Variants in EML5 observed in about 807,000 individuals in gnomAD.
The protein encoded by EML5 is echinoderm microtubule-associated protein-like 5.
A neutral mutation model predicts 250.0 loss-of-function variants in EML5; 120 were observed. The ratio of observed to expected loss-of-function variants is 0.48; its 90% CI spans 0.41 to 0.56. EML5 has a LOEUF of 0.56. EML5 is among the 20% of genes least tolerant of loss of function. The probability of loss-of-function intolerance (pLI) is 0.00; values close to 1 mark genes in which losing one functional copy is unlikely to be tolerated. For missense variants in EML5, 2,006 were observed against 2,437.6 expected (o/e 0.82, Z 3.73); for synonymous variants, 771 against 806.5 (o/e 0.96, Z 0.75).
chr14:88,687,461 C>A, intron 18 of EML5, 134 bp from the exon 19 acceptor site: 1 of 616,412 alleles, frequency 1.6e-6, no homozygotes. Context: ...CAGGAATTAG[C>A]TTAAGAATCC....
At chr14:88,789,915 C>G (rs1245555688) in intron 1 of EML5, among the ~76,000 whole-genome samples, 1 of 152,186 alleles carries the variant, frequency 6.6e-6, no homozygotes, top group African/African-American at 2.4e-5. Flanking sequence ...GGAAACAAAA[C>G]AGATGATGAA....
Position 88,620,659 on chromosome 14 carries a change from G to T in EML5, c.5375+95C>A. 2 of 1,023,344 alleles carry T rather than the reference G, an allele frequency of 2.0e-6. No individual in the cohort carries two copies. Among genetic ancestry groups the T allele is most frequent in the South Asian group, 2.4e-5 (1 of 42,492 alleles). The allele number at this position is 1,023,344 out of a possible 1,614,324, so 63.4% of individuals were successfully genotyped here. On this transcript the variant is annotated intron_variant, in intron 39 of 43. Coordinates refer to ENST00000554922, the MANE Select transcript of EML5 (RefSeq NM_183387.3). The surrounding 1 kb of genome is among the most constrained non-coding windows in gnomAD (Gnocchi z 4.3). ...TAATACGGGAAATGCTACAGGCCCT[G>T]GGGACCTCTTTTTGAAGGCAAGGCT...
rs749470122 is a variant in EML5, at chr14:88,625,108, CCT to C, written c.4758_4759del (p.Gly1587TyrfsTer5). 6.2e-7 allele frequency: 1 copy of C among 1,613,628 alleles called. No individual in the cohort carries two copies. Among genetic ancestry groups the C allele is most frequent in the Non-Finnish European group, 8.5e-7 (1 of 1,179,796 alleles). On this transcript the variant is annotated frameshift_variant, in exon 36 of 44. Transcript: ENST00000554922. LOFTEE classifies it high-confidence loss of function. ...CACACAGACATCACCACTGATGGTA[CCT>C]GTAAACGTCAAGTTATTCTGAAAAG... is the stretch of plus-strand genomic sequence containing the variant.
intron 13 of EML5, 109 bp from the exon 14 acceptor site, chr14:88,702,741 G>T: frequency 1.3e-6 from 1 of 777,412 alleles, no homozygotes; most frequent in Non-Finnish European, 1.9e-6. Context: ...TCAATTTCCA[G>T]TTTTACAGGA....
At chr14:88,770,796 G>A (rs920717404) in intron 1 of EML5, among the ~76,000 whole-genome samples, 4 of 152,152 alleles carry the variant, frequency 2.6e-5, no homozygotes, top group African/African-American at 9.7e-5. Context: ...ACAAATGACA[G>A]ATGTAATCAT....
chr14:88,745,167 TTG>T (rs1555370057), intron 3 of EML5, among the ~76,000 whole-genome samples: 3,336 of 145,124 alleles, frequency 0.023, 70 homozygotes, highest in South Asian at 0.1. Flanking sequence ...AATTGTGTGT[TTG>T]TGTGTGTGTG....
In EML5 at chr14:88,754,576, A is replaced by T. The variant is rs746509622; in HGVS notation, c.293T>A (p.Ile98Lys). ...TGTATGAACATCCTTTAAAACTGATATGGTCTGCACAGTGTATGAATCCCA... is the reference window on the plus strand; with the variant it reads ...TGTATGAACATCCTTTAAAACTGATTTGGTCTGCACAGTGTATGAATCCCA... ...CIWDSYTVQTISVLKDVHTHG... is the reference protein window; with the variant it reads ...CIWDSYTVQTKSVLKDVHTHG... The change falls in exon 2 of 44, where the codon ATA becomes AAA. Residue 98 changes from isoleucine to lysine, a missense_variant. By Grantham distance (102) the Ile-to-Lys change is moderately radical. Transcript: ENST00000554922. The T allele has an allele frequency of 1.2e-6, 2 of 1,613,528 alleles. No homozygotes were observed. The highest frequency in any genetic ancestry group is 1.1e-5 in the South Asian group (1 of 90,952).
intron 20 of EML5, among the ~76,000 whole-genome samples, chr14:88,683,947 G>C (rs2092770555): frequency 1.3e-5 from 2 of 152,074 alleles, no homozygotes; most frequent in African/African-American, 4.8e-5. Context: ...ATGTACTGGA[G>C]GTTCTAGTCA....
chr14:88,662,088 G>A (rs878985978), intron 24 of EML5, among the ~76,000 whole-genome samples: 3 of 152,122 alleles, frequency 2.0e-5, no homozygotes, highest in Admixed American at 6.5e-5. Context: ...AGCATACAGT[G>A]TTAATAATAA....
intron 27 of EML5, among the ~76,000 whole-genome samples, chr14:88,654,823 C>T (rs542697621): frequency 4.8e-4 from 73 of 152,190 alleles, no homozygotes; most frequent in African/African-American, 1.7e-3. Context: ...AGTTCAACTC[C>T]TGATTATCCT....
intron 19 of EML5, among the ~76,000 whole-genome samples, chr14:88,686,349 A>G (rs1366919429): frequency 6.6e-6 from 1 of 152,058 alleles, no homozygotes; most frequent in Non-Finnish European, 1.5e-5. Flanking sequence ...ACATGTATAC[A>G]TATGTAACAA....
chr14:88,754,695 G>A, intron 1 of EML5, 24 bp from the exon 2 acceptor site: 9 of 1,561,406 alleles, frequency 5.8e-6, no homozygotes, highest in Non-Finnish European at 7.8e-6. Context: ...AAATAAATAA[G>A]TAGTATTATT....
At chr14:88,728,211 T>TTG (rs533550963) in intron 7 of EML5, among the ~76,000 whole-genome samples, 20 of 151,732 alleles carry the variant, frequency 1.3e-4, no homozygotes, top group Non-Finnish European at 2.5e-4. Context: ...TTTTTTTTTT[T>TTG]GTCATTATTC....
chr14:88,747,397 G>A (rs553201420), intron 2 of EML5, among the ~76,000 whole-genome samples: 200 of 152,118 alleles, frequency 1.3e-3, no homozygotes, highest in African/African-American at 4.6e-3. Flanking sequence ...GGGAGACAGA[G>A]AGAGACTCTG....
intron 21 of EML5, among the ~76,000 whole-genome samples, chr14:88,679,053 T>C (rs2092660812): frequency 6.6e-6 from 1 of 151,648 alleles, no homozygotes; most frequent in Non-Finnish European, 1.5e-5. Flanking sequence ...ATCACTCCAA[T>C]CCTCTGCTTC....
At chr14:88,741,735 A>T (rs529255449) in intron 4 of EML5, among the ~76,000 whole-genome samples, 24 of 152,302 alleles carry the variant, frequency 1.6e-4, no homozygotes, top group African/African-American at 5.8e-4. Flanking sequence ...TAAACCAAAA[A>T]AATGGGACAG....
At chr14:88,778,539 G>T (rs2094468250) in intron 1 of EML5, among the ~76,000 whole-genome samples, 1 of 152,230 alleles carries the variant, frequency 6.6e-6, no homozygotes, top group African/African-American at 2.4e-5. Context: ...CTAGAACTTT[G>T]GGAGGCCGAG....
chr14:88,677,995 T>C (rs2092634098), intron 21 of EML5, among the ~76,000 whole-genome samples: 1 of 152,180 alleles, frequency 6.6e-6, no homozygotes, highest in African/African-American at 2.4e-5. Context: ...TGCACACATA[T>C]GTTCACTGCA....
intron 1 of EML5, among the ~76,000 whole-genome samples, chr14:88,771,953 A>C (rs142712974): frequency 1.1e-4 from 16 of 152,276 alleles, no homozygotes; most frequent in African/African-American, 3.9e-4. Context: ...CCAATCCCAC[A>C]GCTTTAAATG....
Sources: allele counts gnomAD v4.1 joint callset (sites outside exome capture counted in the v4.1 genomes callset), GRCh38; gene constraint gnomAD v4.1.1; non-coding constraint Gnocchi (gnomAD v3.1); transcripts MANE v1.5; gene names NCBI Gene and HGNC (gene_info 2026-07-23, HGNC 2026-07-21).